NOL4: variants seen among roughly 807,000 people sequenced by gnomAD.
NOL4 encodes the protein cancer/testis antigen 125.
NOL4 carries 17 observed loss-of-function variants against 75.9 expected under a neutral mutation model. The observed-to-expected ratio is 0.22, with a 90% CI of 0.15 to 0.34. The LOEUF is 0.34. Among genes scored for constraint, NOL4 ranks in the 10% least tolerant of loss-of-function variants. NOL4 has a pLI of 1.00. For missense variants in NOL4, 614 were observed against 793.5 expected (o/e 0.77, Z 2.72); for synonymous variants, 292 against 289.9 (o/e 1.01, Z -0.07).
At chr18:33,894,678 C>A (rs995916459) in intron 9 of NOL4, among the ~76,000 whole-genome samples, 2 of 152,076 alleles carry the variant, frequency 1.3e-5, no homozygotes, top group Non-Finnish European at 1.5e-5. Flanking sequence ...TTAACAAATT[C>A]TCTTTGTAGC....
intron 1 of NOL4, among the ~76,000 whole-genome samples, chr18:34,203,717 T>TCTCTCTCTCTCTCTCACACA (rs1261546835): frequency 2.8e-5 from 2 of 72,262 alleles, no homozygotes; most frequent in South Asian, 7.5e-4. Context: ...TCTCTCTCTC[T>TCTCTCTCTCTCTCTCACACA]CACACACACA....
chr18:34,215,072 T>C (rs1374397907), intron 1 of NOL4, among the ~76,000 whole-genome samples: 2 of 152,228 alleles, frequency 1.3e-5, no homozygotes, highest in African/African-American at 4.8e-5. Flanking sequence ...GAAAAAGCTC[T>C]GGAGATCTGT....
chr18:34,137,779 T>TACACACACACACACACAC (rs1156472289), intron 1 of NOL4, among the ~76,000 whole-genome samples: 79 of 147,150 alleles, frequency 5.4e-4, no homozygotes, highest in African/African-American at 1.8e-3. Flanking sequence ...ATATACGAAA[T>TACACACACACACACACAC]ACACACACAC....
At position 34,130,039 on chromosome 18, in the gene NOL4, CA is replaced by C. The variant is rs768703742; in HGVS notation, c.265-20del. On this transcript the variant is annotated intron_variant, in intron 1 of 10. Transcript: ENST00000261592. ...CGCCATCCTGGAAACAAAACAACAA[CA>C]ACAAAAACCCATAAGATTAATAAAC... 2 of 1,508,616 alleles carry C rather than the reference CA, an allele frequency of 1.3e-6. No individual in the cohort carries two copies. The highest frequency in any genetic ancestry group is 8.9e-7 in the Non-Finnish European group (1 of 1,129,720). 93.5% of individuals were successfully genotyped at this position (1,508,616 alleles called of 1,614,324 possible). A position where few individuals can be genotyped will look rare whatever the true frequency, so the allele number is the denominator to read the frequency against.
intron 4 of NOL4, among the ~76,000 whole-genome samples, chr18:34,098,870 C>G (rs1016379718): frequency 6.6e-6 from 1 of 152,128 alleles, no homozygotes; most frequent in Non-Finnish European, 1.5e-5. Context: ...GGTGCCCCAT[C>G]TGCAAAATGG....
intron 6 of NOL4, among the ~76,000 whole-genome samples, chr18:33,964,461 GGAAAACAAA>G (rs1388029997): frequency 7.1e-6 from 1 of 140,766 alleles, no homozygotes; most frequent in Non-Finnish European, 1.6e-5. Flanking sequence ...AAGAGAGAAA[GGAAAACAAA>G]GAAAAGAAAG....
chr18:34,191,590 C>T lies in NOL4; in HGVS notation c.264+31400G>A, dbSNP rs115085583. 5.9e-3 allele frequency among the ~76,000 whole-genome samples: 893 copies of T among 152,100 alleles called. 10 individuals are homozygous for T. Among genetic ancestry groups the T allele is most frequent in the African/African-American group, 0.02 (813 of 41,496 alleles). On this transcript the variant is annotated intron_variant, in intron 1 of 10. Transcript: ENST00000261592. ...TTTGCAATATGACTTCAGAAGTCTC[C>T]GGCTTCATGTTTGCTTGCCGTGTCA...
At chr18:33,912,521 G>C (rs2066470535) in intron 9 of NOL4, among the ~76,000 whole-genome samples, 3 of 151,998 alleles carry the variant, frequency 2.0e-5, no homozygotes, top group African/African-American at 7.2e-5. Context: ...TGAAAACTTT[G>C]ATAGAAAAAG....
chr18:34,188,794 C>A (rs2034689580), intron 1 of NOL4, among the ~76,000 whole-genome samples: 2 of 152,086 alleles, frequency 1.3e-5, no homozygotes, highest in Admixed American at 1.3e-4. Context: ...ATAGTCAAAC[C>A]ATCATAAGTC....
intron 5 of NOL4, among the ~76,000 whole-genome samples, chr18:34,092,328 G>A (rs1184807463): frequency 3.3e-5 from 5 of 152,054 alleles, no homozygotes; most frequent in African/African-American, 7.2e-5. Context: ...ATTATAGCAC[G>A]TAGCAATTAA....
At chr18:33,873,727 G>T (rs1311869093) in intron 10 of NOL4, among the ~76,000 whole-genome samples, 2 of 151,948 alleles carry the variant, frequency 1.3e-5, no homozygotes, top group African/African-American at 4.8e-5. Context: ...ACTCATATAA[G>T]GTAGTTACCT....
At chr18:33,934,210 A>G (rs1168444240) in intron 9 of NOL4, among the ~76,000 whole-genome samples, 5 of 152,076 alleles carry the variant, frequency 3.3e-5, no homozygotes, top group East Asian at 1.9e-4. Flanking sequence ...TCAGTTAACC[A>G]TGCTCTAAAC....
rs2068983105 is a variant in NOL4 at position 33,948,422 on chromosome 18, T to C, written c.1429-5244A>G. ...CATAATTGTCCAGGTTATATACATATATAAAGTTTCATGTTCTAAGAGATT... is the reference window on the plus strand; with the variant it reads ...CATAATTGTCCAGGTTATATACATACATAAAGTTTCATGTTCTAAGAGATT... On this transcript the variant is annotated intron_variant, in intron 8 of 10. Transcript: ENST00000261592. Among the ~76,000 whole-genome samples the C allele has an allele frequency of 2.6e-5, 4 of 151,988 alleles. No individual in the cohort carries two copies. In the South Asian group the frequency reaches 8.3e-4, roughly 31 times the overall value.
intron 9 of NOL4, among the ~76,000 whole-genome samples, chr18:33,919,436 T>C (rs78206342): frequency 0.044 from 6,636 of 152,262 alleles, 142 homozygotes; most frequent in East Asian, 0.063. Context: ...TGGGCTTGCA[T>C]TGATGCTAAC....
chr18:34,070,084 T>C (rs2077446473), intron 5 of NOL4, among the ~76,000 whole-genome samples: 1 of 152,212 alleles, frequency 6.6e-6, no homozygotes, highest in Admixed American at 6.5e-5. Flanking sequence ...CAGGCTGGAG[T>C]GCATTGGCGC....
intron 1 of NOL4, among the ~76,000 whole-genome samples, chr18:34,182,432 G>A (rs546547348): frequency 6.6e-6 from 1 of 151,752 alleles, no homozygotes; most frequent in East Asian, 1.9e-4. Flanking sequence ...TAGCAGGTGT[G>A]AATGATTTTT....
At chr18:33,946,522 G>A (rs906452085) in intron 8 of NOL4, among the ~76,000 whole-genome samples, 1 of 151,676 alleles carries the variant, frequency 6.6e-6, no homozygotes, top group African/African-American at 2.4e-5. Flanking sequence ...ATGATGAATT[G>A]GGAGTTATAA....
At chr18:33,887,802 C>A (rs2064850052) in intron 9 of NOL4, among the ~76,000 whole-genome samples, 2 of 152,242 alleles carry the variant, frequency 1.3e-5, no homozygotes, top group African/African-American at 4.8e-5. Flanking sequence ...GCCACATTTT[C>A]TTAATCCAGT....
intron 6 of NOL4, among the ~76,000 whole-genome samples, chr18:33,994,916 G>T (rs1400881851): frequency 6.6e-6 from 1 of 151,438 alleles, no homozygotes; most frequent in African/African-American, 2.4e-5. Context: ...TGAAAAGAAA[G>T]AAAAACTAAT....
Sources: gnomAD v4.1 joint callset for allele counts (sites outside exome capture counted in the v4.1 genomes callset) on GRCh38, gnomAD v4.1.1 for gene constraint, MANE v1.5 for transcripts, NCBI Gene and HGNC (gene_info 2026-07-23, HGNC 2026-07-21) for gene names.